CTNNA2: variants seen among roughly 807,000 people sequenced by gnomAD.
The protein encoded by CTNNA2 is catenin alpha 2.
In CTNNA2, 42 loss-of-function variants were observed where a neutral mutation model predicts 101.0. The observed-to-expected ratio is 0.42, with a 90% confidence interval of 0.32 to 0.54. The LOEUF (loss-of-function observed/expected upper bound fraction) is 0.54. CTNNA2 is among the 20% of genes least tolerant of loss of function. CTNNA2 has a pLI of 0.14. For synonymous variants in CTNNA2, 450 were observed against 456.4 expected (o/e 0.99, Z 0.18); for missense variants, 871 against 1,223.1 (o/e 0.71, Z 4.29).
chr2:79,564,819 G>A (rs773803620), intron 1 of CTNNA2, among the ~76,000 whole-genome samples: 16 of 151,718 alleles, frequency 1.1e-4, no homozygotes, highest in South Asian at 2.1e-4. Context: ...TTCTTCTTTC[G>A]CTCTGGGATT....
At chr2:79,341,311 A>G (rs1218447581) in intron 3 of CTNNA2, among the ~76,000 whole-genome samples, 3 of 152,212 alleles carry the variant, frequency 2.0e-5, no homozygotes, top group Non-Finnish European at 2.9e-5. Context: ...GATCAGAATA[A>G]TGAATTAGTG....
chr2:79,848,210 T>A (rs565324899), intron 3 of CTNNA2, among the ~76,000 whole-genome samples: 5 of 152,328 alleles, frequency 3.3e-5, no homozygotes, highest in African/African-American at 1.2e-4. Flanking sequence ...TACGATATAG[T>A]GTCCTTATTT....
At chr2:79,878,677 G>A (rs1558605574) in intron 6 of CTNNA2, among the ~76,000 whole-genome samples, 1 of 152,076 alleles carries the variant, frequency 6.6e-6, no homozygotes, top group East Asian at 1.9e-4. Context: ...TTTGGATGGG[G>A]TTGTTTGTTT....
At chr2:79,967,182 G>A (rs538229592) in intron 7 of CTNNA2, among the ~76,000 whole-genome samples, 15 of 151,878 alleles carry the variant, frequency 9.9e-5, no homozygotes, top group Non-Finnish European at 1.3e-4. Context: ...TGTCAAACAG[G>A]CAGCTCAAAC....
At chr2:80,632,722 C>G (rs1217889496) in intron 18 of CTNNA2, among the ~76,000 whole-genome samples, 1 of 152,112 alleles carries the variant, frequency 6.6e-6, no homozygotes, top group East Asian at 1.9e-4. Flanking sequence ...GACCCTGGGA[C>G]TGAGGCACCG....
chr2:79,749,218 C>G (rs933908815), intron 3 of CTNNA2, among the ~76,000 whole-genome samples: 2 of 152,040 alleles, frequency 1.3e-5, no homozygotes, highest in Non-Finnish European at 2.9e-5. Context: ...TCTAGGTGGG[C>G]CACTCCCAGA....
At chr2:80,591,455 C>CTTTTTTTTT (rs1553401282) in intron 15 of CTNNA2, among the ~76,000 whole-genome samples, 1 of 57,572 alleles carries the variant, frequency 1.7e-5, no homozygotes, top group African/African-American at 6.0e-5. Context: ...TCTGCACAGC[C>CTTTTTTTTT]TGTTTTTTTT....
intron 7 of CTNNA2, among the ~76,000 whole-genome samples, chr2:80,367,219 A>G (rs1346519931): frequency 6.6e-6 from 1 of 152,126 alleles, no homozygotes; most frequent in African/African-American, 2.4e-5. Flanking sequence ...AAAATACTTC[A>G]TTATCACACT....
intron 9 of CTNNA2, among the ~76,000 whole-genome samples, chr2:80,490,290 C>CT (rs1273452675): frequency 3.8e-5 from 4 of 104,100 alleles, no homozygotes; most frequent in Non-Finnish European, 5.4e-5. Flanking sequence ...ACCCCCCCCC[C>CT]GGTAAAGCAC....
chr2:80,542,513 CT>C (rs1289274252), intron 9 of CTNNA2, among the ~76,000 whole-genome samples: 1 of 151,798 alleles, frequency 6.6e-6, no homozygotes, highest in Non-Finnish European at 1.5e-5. Context: ...GTCACTCTTT[CT>C]TTTTTTAATG....
intron 7 of CTNNA2, among the ~76,000 whole-genome samples, chr2:80,321,258 A>C (rs555908320): frequency 8.4e-4 from 128 of 152,258 alleles, no homozygotes; most frequent in African/African-American, 2.8e-3. Flanking sequence ...AAAAAAAGGA[A>C]ATTGGAGAGG....
intron 2 of CTNNA2, among the ~76,000 whole-genome samples, chr2:79,200,369 G>A (rs141961895): frequency 0.02 from 2,943 of 146,818 alleles, 50 homozygotes; most frequent in Non-Finnish European, 0.03. Flanking sequence ...GGGCAACAGA[G>A]AGAGACTCCG....
At chr2:80,497,108 T>C (rs974463768) in intron 9 of CTNNA2, among the ~76,000 whole-genome samples, 2 of 152,350 alleles carry the variant, frequency 1.3e-5, no homozygotes, top group Non-Finnish European at 2.9e-5. Flanking sequence ...GAAGAAAAGA[T>C]ATCTGAGCAT....
At chr2:79,734,508 G>A (rs905596617) in intron 2 of CTNNA2, among the ~76,000 whole-genome samples, 2 of 151,962 alleles carry the variant, frequency 1.3e-5, no homozygotes, top group African/African-American at 4.8e-5. Context: ...GTTAAACTGT[G>A]GTAAAAATGT....
intron 6 of CTNNA2, among the ~76,000 whole-genome samples, chr2:79,905,339 A>G (rs987882121): frequency 7.9e-5 from 12 of 152,214 alleles, no homozygotes; most frequent in Admixed American, 5.9e-4. Flanking sequence ...ATGACAATGT[A>G]AGATGGAACT....
rs544632979 is a variant in CTNNA2, at chr2:79,668,216, C to T, written c.102+16558C>T. On this transcript the variant is annotated intron_variant, in intron 2 of 18. Coordinates refer to ENST00000402739, the MANE Select transcript of CTNNA2 (RefSeq NM_001282597.3). ...GATTGCGCCACTGCAGTCCGCAGTC[C>T]GACCTGGGCGACAGAGCGAGACTCC... Among the ~76,000 whole-genome samples the T allele has an allele frequency of 7.2e-3, 973 of 134,524 alleles. 5 individuals are homozygous for T. The highest frequency in any genetic ancestry group is 0.023 in the African/African-American group (835 of 36,408). 88.3% of individuals were successfully genotyped at this position (134,524 alleles called of 152,430 possible).
At chr2:79,534,790 C>T (rs1336611521) in intron 1 of CTNNA2, among the ~76,000 whole-genome samples, 2 of 151,668 alleles carry the variant, frequency 1.3e-5, no homozygotes, top group Non-Finnish European at 2.9e-5. Flanking sequence ...TAGCTTTCCA[C>T]TTGTGTGATT....
At chr2:80,517,070 G>A (rs1379985450) in intron 9 of CTNNA2, among the ~76,000 whole-genome samples, 4 of 152,110 alleles carry the variant, frequency 2.6e-5, no homozygotes, top group African/African-American at 9.7e-5. Flanking sequence ...ACTTGGTGCT[G>A]CACAGAAAGG....
At chr2:79,554,036 A>T (rs1038383806) in intron 1 of CTNNA2, among the ~76,000 whole-genome samples, 1 of 152,148 alleles carries the variant, frequency 6.6e-6, no homozygotes, top group Admixed American at 6.6e-5. Flanking sequence ...TTCACACTAC[A>T]AATAGATTTG....
Sources: allele counts gnomAD v4.1 joint callset (sites outside exome capture counted in the v4.1 genomes callset), GRCh38; gene constraint gnomAD v4.1.1; transcripts MANE v1.5; gene names NCBI Gene and HGNC (gene_info 2026-07-23, HGNC 2026-07-21).